GLOD4: variants seen among roughly 807,000 people sequenced by gnomAD.
GLOD4 encodes the protein glyoxalase domain containing 4.
GLOD4 carries 44 observed loss-of-function variants against 39.1 expected under a neutral mutation model. The observed-to-expected ratio is 1.13, with a 90% CI of 0.88 to 1.45. GLOD4 has a LOEUF of 1.45. Ranked by LOEUF, GLOD4 falls within the 40% of genes most tolerant of loss-of-function variation. GLOD4 has a pLI of 0.00. For missense variants in GLOD4, 405 were observed against 366.4 expected (o/e 1.11, Z -0.86); for synonymous variants, 145 against 135.0 (o/e 1.07, Z -0.52).
intron 8 of GLOD4, among the ~76,000 whole-genome samples, chr17:761,398 A>C (rs1905403015): frequency 6.6e-6 from 1 of 152,232 alleles, no homozygotes; most frequent in African/African-American, 2.4e-5. Context: ...TAAAAATCAA[A>C]GATATGCTTA....
chr17:763,706 C>A (rs539075920), intron 8 of GLOD4: 1 of 152,018 alleles, frequency 6.6e-6, no homozygotes, highest in Non-Finnish European at 1.5e-5. Flanking sequence ...TCCCAAGTAG[C>A]CTTTATGTAA....
chr17:782,144 C>T (rs1910082224), intron 1 of GLOD4, 22 bp downstream of exon 1: 2 of 1,558,166 alleles, frequency 1.3e-6, no homozygotes, highest in African/African-American at 1.4e-5. Context: ...GCGCGCCAGC[C>T]CCTGTCGGCC....
chr17:763,181 TAA>T lies in GLOD4; in HGVS notation c.832-2945_832-2944del, dbSNP rs61285863. The stretch of plus-strand genomic sequence containing the variant: ...CTGGGCGACAGAGCGAGACTCCGTC[TAA>T]AAAAAAAAAAAAAAAATCAGAGAAT... On this transcript the variant is annotated intron_variant, in intron 8 of 8. Transcript: ENST00000301329. Among the ~76,000 whole-genome samples the T allele has an allele frequency of 1.3e-3, 158 of 121,868 alleles. 2 individuals are homozygous for T. Among genetic ancestry groups the T allele is most frequent in the African/African-American group, 4.5e-3 (142 of 31,366 alleles). The allele number at this position is 121,868 out of a possible 152,430, so 80.0% of individuals were successfully genotyped here.
rs1908855842 is a variant in GLOD4, at chr17:775,897, T to C, written c.284A>G (p.Gln95Arg). ...DFMGITLASSQAVSNARKLEW... is the reference protein window; with the variant it reads ...DFMGITLASSRAVSNARKLEW... ...CAGCTTCCTGGCGTTGCTGACAGCC[T>C]GGCTAGAAGCGAGCGTGATTCCCTA... The change falls in exon 4 of 9, where the codon CAG (glutamine) becomes CGG (arginine). Residue 95 changes from glutamine (Q) to arginine (R), a missense_variant. Physicochemically the swap from Gln to Arg is conservative, Grantham distance 43 (BLOSUM62 1). Coordinates refer to ENST00000301329, the MANE Select transcript of GLOD4 (RefSeq NM_016080.4). 14 of 1,613,628 alleles carry C rather than the reference T, an allele frequency of 8.7e-6. No individual in the cohort carries two copies. The highest frequency in any genetic ancestry group is 1.2e-5 in the Non-Finnish European group (14 of 1,179,494).
intron 4 of GLOD4, among the ~76,000 whole-genome samples, chr17:772,675 G>A (rs1908175342): frequency 6.6e-6 from 1 of 152,142 alleles, no homozygotes; most frequent in Non-Finnish European, 1.5e-5. Context: ...CACAAAACAA[G>A]GAATTAGAAT....
chr17:768,406 G>C (rs1055241530), intron 8 of GLOD4, among the ~76,000 whole-genome samples: 1 of 144,376 alleles, frequency 6.9e-6, no homozygotes, highest in African/African-American at 2.6e-5. Flanking sequence ...GAGAAACAGC[G>C]CGCGCTCAGA....
At chr17:780,000 T>A (rs990802832) in intron 1 of GLOD4, among the ~76,000 whole-genome samples, 1 of 151,848 alleles carries the variant, frequency 6.6e-6, no homozygotes, top group African/African-American at 2.4e-5. Context: ...CCATCTCTAC[T>A]AAAAATACAA....
Position 776,856 on chromosome 17 carries a change from A to C in GLOD4, c.261+12T>G. ...CCCAGCCAAAACTCTGCTAGAAAAA[A>C]ACGGTATTTACCATAAAGTCATTGC... On this transcript the variant is annotated intron_variant, in intron 3 of 8. Coordinates refer to ENST00000301329, the MANE Select transcript of GLOD4 (RefSeq NM_016080.4). 6.2e-7 allele frequency: 1 copy of C among 1,610,158 alleles called. No individual in the cohort carries two copies. Among genetic ancestry groups the C allele is most frequent in the Non-Finnish European group, 8.5e-7 (1 of 1,176,430 alleles).
At chr17:783,256 T>G (rs1343857181), upstream of GLOD4, 16 of 1,614,056 alleles carry the variant, frequency 9.9e-6, no homozygotes, top group Non-Finnish European at 1.4e-5. Flanking sequence ...CTGAAAGGTG[T>G]CAGCCTCATT....
chr17:767,619 A>G (rs1316668245), intron 8 of GLOD4, among the ~76,000 whole-genome samples: 1 of 151,546 alleles, frequency 6.6e-6, no homozygotes, highest in Non-Finnish European at 1.5e-5. Flanking sequence ...CGTGAGAGAG[A>G]GAAACAGCAC....
intron 8 of GLOD4, among the ~76,000 whole-genome samples, chr17:768,349 G>A (rs1319101171): frequency 6.7e-6 from 1 of 148,190 alleles, no homozygotes; most frequent in Non-Finnish European, 1.5e-5. Context: ...GAGAAACAGC[G>A]CGCACTCAGA....
chr17:776,774 C>A, intron 3 of GLOD4, 94 bp downstream of exon 3: 2 of 920,722 alleles, frequency 2.2e-6, no homozygotes, highest in Non-Finnish European at 1.8e-6. Flanking sequence ...CAAATGTTAT[C>A]TCTTCACTCA....
chr17:772,927 G>A (rs1459680245), intron 4 of GLOD4, among the ~76,000 whole-genome samples: 6 of 151,852 alleles, frequency 4.0e-5, no homozygotes, highest in East Asian at 1.9e-4. Flanking sequence ...CCCGGGAGGC[G>A]GAGCTTGCAG....
At chr17:777,827 C>T (rs1230163733) in intron 2 of GLOD4, 1 of 152,176 alleles carries the variant, frequency 6.6e-6, no homozygotes, top group Non-Finnish European at 1.5e-5. Context: ...TCAGTCACAC[C>T]TGAGTTTATG....
intron 1 of GLOD4, chr17:778,949 C>T: frequency 1.7e-6 from 1 of 575,634 alleles, no homozygotes. Flanking sequence ...GCTACCAAAT[C>T]AGTTGTGAAA....
rs1905238104 is a variant in GLOD4 at position 760,388 on chromosome 17, A to T, written c.832-150T>A. The T allele has an allele frequency of 1.2e-5, 7 of 596,192 alleles. 1 individual carries two copies. In the South Asian group the frequency reaches 1.5e-4, roughly 13 times the overall value. The allele number at this position is 596,192 out of a possible 1,614,324, so 36.9% of individuals were successfully genotyped here. The stretch of plus-strand genomic sequence containing the variant: ...CCGCTCCAAAAAAAAGAGAAGAGAA[A>T]TAAAAAAAATTTTTTAACATTTAAA... On this transcript the variant is annotated intron_variant, in intron 8 of 8. Coordinates refer to ENST00000301329, the MANE Select transcript of GLOD4 (RefSeq NM_016080.4).
rs370083059 is a variant in GLOD4 at position 775,971 on chromosome 17, A to G, written c.262-52T>C. ...TACATGATCACAACAGATATTTTACAGAACAAGACAATGAGCCCAACCCCT... is the reference window on the plus strand; with the variant it reads ...TACATGATCACAACAGATATTTTACGGAACAAGACAATGAGCCCAACCCCT... On this transcript the variant is annotated intron_variant, in intron 3 of 8. Transcript: ENST00000301329. 4.4e-5 allele frequency: 67 copies of G among 1,520,784 alleles called. No individual in the cohort carries two copies. In the African/African-American group the frequency reaches 8.6e-4, roughly 20 times the overall value. The allele number at this position is 1,520,784 out of a possible 1,614,324, so 94.2% of individuals were successfully genotyped here. A position where few individuals can be genotyped will look rare whatever the true frequency, so the allele number is the denominator to read the frequency against.
chr17:783,959 C>T (rs2144515907), upstream of GLOD4, among the ~76,000 whole-genome samples: 1 of 152,204 alleles, frequency 6.6e-6, no homozygotes, highest in African/African-American at 2.4e-5. Context: ...AAACCTCTGC[C>T]AATGTGGTGA....
intron 8 of GLOD4, among the ~76,000 whole-genome samples, chr17:768,728 A>G (rs1463762824): frequency 4.4e-4 from 58 of 131,526 alleles, no homozygotes; most frequent in African/African-American, 1.6e-3. Flanking sequence ...GACGTGAGAG[A>G]GAGAAACAGC....
Sources: allele counts gnomAD v4.1 joint callset (sites outside exome capture counted in the v4.1 genomes callset), GRCh38; gene constraint gnomAD v4.1.1; transcripts MANE v1.5; gene names NCBI Gene and HGNC (gene_info 2026-07-23, HGNC 2026-07-21).